Variants in HPSE2 observed in about 807,000 individuals in gnomAD.
HPSE2 encodes the protein heparanase 2 (inactive), also known as inactive heparanase-2.
In HPSE2, 38 loss-of-function variants were observed where a neutral mutation model predicts 60.5. That is an observed-to-expected ratio of 0.63 (90% CI 0.48 to 0.82). The LOEUF (loss-of-function observed/expected upper bound fraction) is 0.82. Ranked by LOEUF, HPSE2 falls within the 40% of genes least tolerant of loss-of-function variation. The pLI is 0.00. For missense variants in HPSE2, 713 were observed against 740.4 expected, an observed-to-expected ratio of 0.96 and a Z score of 0.43; for synonymous variants, 295 against 293.2, an observed-to-expected ratio of 1.01 and a Z score of -0.06.
chr10:98,682,416 G>A (rs1947810501), intron 6 of HPSE2, among the ~76,000 whole-genome samples: 1 of 152,148 alleles, frequency 6.6e-6, no homozygotes, highest in Admixed American at 6.5e-5. Flanking sequence ...TATAAGAACA[G>A]CCAAACACAC....
chr10:99,179,417 C>CA (rs1425826401), intron 2 of HPSE2, among the ~76,000 whole-genome samples: 1 of 152,080 alleles, frequency 6.6e-6, no homozygotes, highest in Non-Finnish European at 1.5e-5. Flanking sequence ...AGCAAGGTCT[C>CA]GGATACAAAA....
At chr10:98,973,924 T>C (rs944989738) in intron 3 of HPSE2, among the ~76,000 whole-genome samples, 1 of 152,168 alleles carries the variant, frequency 6.6e-6, no homozygotes, top group African/African-American at 2.4e-5. Context: ...ATACCCCTAT[T>C]ACCAATACAC....
chr10:99,294,792 C>G, the HPSE2 span, among the ~76,000 whole-genome samples: 1 of 151,978 alleles, frequency 6.6e-6, no homozygotes, highest in South Asian at 2.1e-4. Context: ...AAAAAATCAG[C>G]TAATAAAAAT....
intron 9 of HPSE2, among the ~76,000 whole-genome samples, chr10:98,541,315 T>TA (rs763206760): frequency 1.1e-3 from 166 of 151,582 alleles, no homozygotes; most frequent in Non-Finnish European, 1.8e-3. Flanking sequence ...ACAAACCACT[T>TA]AAAAAAAAAC....
At chr10:98,612,304 T>A (rs1458225713) in intron 9 of HPSE2, among the ~76,000 whole-genome samples, 3 of 152,220 alleles carry the variant, frequency 2.0e-5, no homozygotes, top group African/African-American at 7.2e-5. Context: ...TGGAAAACTC[T>A]GAGTTCCAGT....
chr10:99,072,743 G>T (rs1353796976), intron 3 of HPSE2, among the ~76,000 whole-genome samples: 1 of 152,014 alleles, frequency 6.6e-6, no homozygotes, highest in African/African-American at 2.4e-5. Flanking sequence ...GGCCAACATG[G>T]TGAAACCCTG....
the HPSE2 span, among the ~76,000 whole-genome samples, chr10:99,285,617 C>A: frequency 1.3e-5 from 2 of 151,874 alleles, no homozygotes; most frequent in African/African-American, 4.8e-5. Context: ...CTTGAATAGA[C>A]ACTTCTCCAA....
chr10:98,747,078 T>C (rs983676869), intron 3 of HPSE2, among the ~76,000 whole-genome samples: 24 of 152,004 alleles, frequency 1.6e-4, no homozygotes, highest in African/African-American at 5.8e-4. Context: ...TCTAGGTTAC[T>C]CAAAAAATAA....
chr10:99,019,444 A>G (rs1181327889), intron 3 of HPSE2, among the ~76,000 whole-genome samples: 1 of 152,214 alleles, frequency 6.6e-6, no homozygotes, highest in Non-Finnish European at 1.5e-5. Flanking sequence ...ATTTCAACAC[A>G]TGAAGAATTG....
intron 3 of HPSE2, among the ~76,000 whole-genome samples, chr10:99,050,171 A>C (rs556036213): frequency 6.6e-6 from 1 of 152,224 alleles, no homozygotes; most frequent in South Asian, 2.1e-4. Context: ...GCATGGTGAC[A>C]TGCATCTGTA....
At chr10:98,692,980 T>C (rs1048363529) in intron 6 of HPSE2, among the ~76,000 whole-genome samples, 1 of 152,250 alleles carries the variant, frequency 6.6e-6, no homozygotes, top group African/African-American at 2.4e-5. Flanking sequence ...CACTTCATTT[T>C]CTTTCACATC....
chr10:98,817,997 C>T (rs765451190), intron 3 of HPSE2, among the ~76,000 whole-genome samples: 2 of 152,012 alleles, frequency 1.3e-5, no homozygotes, highest in Admixed American at 6.6e-5. Flanking sequence ...TGTTCATACT[C>T]CAGTCCCTCA....
chr10:99,308,505 T>C, the HPSE2 span, among the ~76,000 whole-genome samples: 66 of 151,816 alleles, frequency 4.3e-4, no homozygotes, highest in East Asian at 0.01. Flanking sequence ...TGTTACAACA[T>C]GAAAGAACTT....
chr10:98,592,677 C>T (rs1019514050), intron 9 of HPSE2, among the ~76,000 whole-genome samples: 2 of 152,202 alleles, frequency 1.3e-5, no homozygotes, highest in African/African-American at 2.4e-5. Flanking sequence ...ATTTAATCCA[C>T]ATGCTTATGA....
At chr10:98,558,822 C>A (rs1228166806) in intron 9 of HPSE2, among the ~76,000 whole-genome samples, 1 of 152,054 alleles carries the variant, frequency 6.6e-6, no homozygotes, top group Non-Finnish European at 1.5e-5. Flanking sequence ...GAGATTTCAC[C>A]AAAAAATACA....
intron 2 of HPSE2, among the ~76,000 whole-genome samples, chr10:99,192,918 T>C (rs924921634): frequency 6.6e-6 from 1 of 152,108 alleles, no homozygotes; most frequent in Non-Finnish European, 1.5e-5. Context: ...AAAAAAAGGA[T>C]GTTAATGAGC....
intron 3 of HPSE2, among the ~76,000 whole-genome samples, chr10:99,037,008 C>G (rs1396506876): frequency 1.3e-5 from 2 of 152,158 alleles, no homozygotes; most frequent in Non-Finnish European, 2.9e-5. Context: ...AGAAGAAATA[C>G]TGGTATTATG....
the HPSE2 span, among the ~76,000 whole-genome samples, chr10:99,312,831 T>C: frequency 0.011 from 1,717 of 152,362 alleles, 26 homozygotes; most frequent in African/African-American, 0.039. Context: ...TTCATTATTA[T>C]AGATGTAAAC....
At chr10:99,133,888 A>G (rs1477857781) in intron 3 of HPSE2, among the ~76,000 whole-genome samples, 1 of 152,188 alleles carries the variant, frequency 6.6e-6, no homozygotes, top group Admixed American at 6.5e-5. Flanking sequence ...AGATCGACAG[A>G]AGTAGGCTTC....
Sources: allele counts gnomAD v4.1 joint callset (sites outside exome capture counted in the v4.1 genomes callset), GRCh38; gene constraint gnomAD v4.1.1; transcripts MANE v1.5; gene names NCBI Gene and HGNC (gene_info 2026-07-23, HGNC 2026-07-21).